PDE7A: variants seen among roughly 807,000 people sequenced by gnomAD.
PDE7A encodes the protein phosphodiesterase 7A.
PDE7A carries 39 observed loss-of-function variants against 64.3 expected under a neutral mutation model. That is an observed-to-expected ratio of 0.61 (90% CI 0.47 to 0.79). The LOEUF (loss-of-function observed/expected upper bound fraction) is 0.79, where lower values mean the gene tolerates loss of function less well. Among genes scored for constraint, PDE7A ranks in the 30% least tolerant of loss-of-function variants. PDE7A has a pLI of 0.00. For synonymous variants in PDE7A, 203 were observed against 206.8 expected (o/e 0.98, Z 0.16); for missense variants, 470 against 582.8 (o/e 0.81, Z 1.99).
intron 3 of PDE7A, among the ~76,000 whole-genome samples, chr8:65,748,725 C>T (rs536393618): frequency 2.0e-5 from 3 of 152,282 alleles, no homozygotes; most frequent in Non-Finnish European, 2.9e-5. Flanking sequence ...TCACTCACTC[C>T]TCTATTAACC....
At chr8:65,801,929 T>C (rs1441631017) in intron 1 of PDE7A, among the ~76,000 whole-genome samples, 1 of 152,238 alleles carries the variant, frequency 6.6e-6, no homozygotes, top group East Asian at 1.9e-4. Flanking sequence ...CTTCTGTATT[T>C]AGCATATGTA....
Position 65,841,439 on chromosome 8 carries a change from G to C in PDE7A, c.70C>G (p.Arg24Gly). Residue 24 changes from arginine (R) to glycine (G), a missense_variant, in exon 1 of 13, where the codon CGA becomes GGA. Transcript: ENST00000401827. ...RPVPQHVLSRRGAISFSSSSA... is the reference protein window; with the variant it reads ...RPVPQHVLSRGGAISFSSSSA... Reference sequence around the variant, plus strand: ...CTGGAGCTGAAGCTGATGGCTCCTCGGCGGCTGAGGACGTGCTGGGGGACC... The same window carrying C: ...CTGGAGCTGAAGCTGATGGCTCCTCCGCGGCTGAGGACGTGCTGGGGGACC... 1.9e-6 allele frequency: 3 copies of C among 1,564,044 alleles called. No homozygotes were observed. Among genetic ancestry groups the C allele is most frequent in the Non-Finnish European group, 2.6e-6 (3 of 1,160,164 alleles).
At chr8:65,743,469 G>A (rs1241867336) in intron 5 of PDE7A, among the ~76,000 whole-genome samples, 1 of 152,166 alleles carries the variant, frequency 6.6e-6, no homozygotes, top group Non-Finnish European at 1.5e-5. Flanking sequence ...AGGCAGGAGG[G>A]TGGCTCTGCT....
intron 1 of PDE7A, among the ~76,000 whole-genome samples, chr8:65,817,577 CT>C (rs1447130566): frequency 1.3e-5 from 2 of 152,010 alleles, no homozygotes; most frequent in Non-Finnish European, 2.9e-5. Context: ...TCAGTTTTTC[CT>C]TGTGTTCCAT....
intron 3 of PDE7A, among the ~76,000 whole-genome samples, chr8:65,753,957 ATTAT>A (rs1158399410): frequency 6.6e-6 from 1 of 151,930 alleles, no homozygotes; most frequent in African/African-American, 2.4e-5. Flanking sequence ...TCTTTTGGTT[ATTAT>A]CTGCATGGTA....
chr8:65,815,203 T>A (rs113312336), intron 1 of PDE7A, among the ~76,000 whole-genome samples: 2 of 152,298 alleles, frequency 1.3e-5, no homozygotes, highest in East Asian at 3.9e-4. Context: ...ATTAAATACA[T>A]AGTAATGATA....
At chr8:65,802,037 A>C (rs1290597303) in intron 1 of PDE7A, among the ~76,000 whole-genome samples, 2 of 152,238 alleles carry the variant, frequency 1.3e-5, no homozygotes, top group African/African-American at 4.8e-5. Flanking sequence ...GTTCGAAAGA[A>C]ATTCATTTAT....
intron 1 of PDE7A, among the ~76,000 whole-genome samples, chr8:65,834,660 C>T (rs992142067): frequency 1.2e-4 from 18 of 152,134 alleles, no homozygotes; most frequent in Non-Finnish European, 2.5e-4. Context: ...AATTTTCTCC[C>T]CCAAATTCTA....
chr8:65,838,050 T>C (rs530653780), intron 1 of PDE7A, among the ~76,000 whole-genome samples: 7 of 150,852 alleles, frequency 4.6e-5, no homozygotes, highest in South Asian at 4.2e-4. Flanking sequence ...AAAAGACAAA[T>C]GATAACTTAG....
intron 1 of PDE7A, among the ~76,000 whole-genome samples, chr8:65,830,553 AT>A (rs1015455463): frequency 1.3e-5 from 2 of 152,120 alleles, no homozygotes; most frequent in African/African-American, 2.4e-5. Context: ...AATGGATAAA[AT>A]AATTGAAATA....
chr8:65,830,353 G>A (rs926811548), intron 1 of PDE7A, among the ~76,000 whole-genome samples: 1 of 151,852 alleles, frequency 6.6e-6, no homozygotes, highest in Non-Finnish European at 1.5e-5. Context: ...AAAGCATTAA[G>A]AATAATTTTG....
intron 1 of PDE7A, among the ~76,000 whole-genome samples, chr8:65,809,969 C>T (rs147533287): frequency 0.057 from 8,690 of 152,198 alleles, 355 homozygotes; most frequent in Middle Eastern, 0.11. Flanking sequence ...ACTAGAATTA[C>T]CATTTGACCC....
chr8:65,827,271 T>A (rs922510972), intron 1 of PDE7A, among the ~76,000 whole-genome samples: 6 of 152,236 alleles, frequency 3.9e-5, no homozygotes, highest in Non-Finnish European at 7.3e-5. Flanking sequence ...GTGTGTCCTT[T>A]AACCTCTCTT....
intron 3 of PDE7A, among the ~76,000 whole-genome samples, chr8:65,767,001 AAACAACAACAACAAC>A (rs149118435): frequency 5.3e-5 from 8 of 150,974 alleles, no homozygotes; most frequent in African/African-American, 9.7e-5. Context: ...TGCTCATTCA[AAACAACAACAACAAC>A]AACAACAACA....
intron 1 of PDE7A, among the ~76,000 whole-genome samples, chr8:65,788,635 C>T (rs1306044557): frequency 6.6e-6 from 1 of 152,038 alleles, no homozygotes; most frequent in Non-Finnish European, 1.5e-5. Flanking sequence ...GGCAGTGATA[C>T]TGAGGAATGC....
chr8:65,798,187 T>C (rs1809891516), intron 1 of PDE7A, among the ~76,000 whole-genome samples: 1 of 20,944 alleles, frequency 4.8e-5, no homozygotes, highest in Admixed American at 8.2e-4. Flanking sequence ...TGCATATATA[T>C]ATATATATAT....
intron 1 of PDE7A, among the ~76,000 whole-genome samples, chr8:65,837,011 A>G (rs565208229): frequency 1.1e-4 from 16 of 152,326 alleles, no homozygotes; most frequent in Non-Finnish European, 1.6e-4. Context: ...CCTGATTTAA[A>G]CCAGAAATTT....
At chr8:65,748,282 T>G (rs1282620335) in intron 3 of PDE7A, among the ~76,000 whole-genome samples, 2 of 152,196 alleles carry the variant, frequency 1.3e-5, no homozygotes, top group African/African-American at 4.8e-5. Flanking sequence ...GAGGTATCAT[T>G]TCAAATATTT....
intron 3 of PDE7A, among the ~76,000 whole-genome samples, chr8:65,774,169 T>C (rs770367712): frequency 2.0e-5 from 3 of 152,224 alleles, no homozygotes; most frequent in Admixed American, 6.5e-5. Flanking sequence ...TGCTACGTTA[T>C]TGCAGAAAAA....
Sources: allele counts gnomAD v4.1 joint callset (sites outside exome capture counted in the v4.1 genomes callset), GRCh38; gene constraint gnomAD v4.1.1; transcripts MANE v1.5; gene names NCBI Gene and HGNC (gene_info 2026-07-23, HGNC 2026-07-21).